Variants in TMEM135 observed in about 807,000 individuals in gnomAD.
TMEM135 encodes peroxisomal membrane protein 52.
A neutral mutation model predicts 60.3 loss-of-function variants in TMEM135; 30 were observed. That is an observed-to-expected ratio of 0.50 (90% CI 0.37 to 0.68). The LOEUF is 0.68. Among genes scored for constraint, TMEM135 ranks in the 30% least tolerant of loss-of-function variants. The pLI, the probability that TMEM135 is intolerant of heterozygous loss-of-function variation, is 0.00. For synonymous variants in TMEM135, 190 were observed against 186.7 expected, an observed-to-expected ratio of 1.02 and a Z score of -0.14; for missense variants, 468 against 548.8, an observed-to-expected ratio of 0.85 and a Z score of 1.47.
chr11:87,166,719 A>G (rs1269033936), intron 5 of TMEM135, among the ~76,000 whole-genome samples: 2 of 150,852 alleles, frequency 1.3e-5, no homozygotes, highest in Admixed American at 1.3e-4. Context: ...CTTGTAGTAT[A>G]GTTTGAAGTA....
chr11:87,053,270 G>A (rs4943971), intron 1 of TMEM135, among the ~76,000 whole-genome samples: 48,470 of 146,514 alleles, frequency 0.33, 9,534 homozygotes, highest in East Asian at 0.6. Context: ...AAAAAAATTC[G>A]TGCCTCAATT....
rs1320931238 is a variant in TMEM135, at chr11:87,324,485, A to G, written c.*3152A>G. ...TGCCCGGGTTGGAGTACAGTGGTGC[A>G]ATCATAGCTCATTGAAACCTCAAAT... On this transcript the variant is annotated 3_prime_UTR_variant, in exon 15 of 15. Coordinates refer to ENST00000305494, the MANE Select transcript of TMEM135 (RefSeq NM_022918.4). The G allele has an allele frequency of 2.2e-6, 1 of 453,676 alleles. No homozygotes were observed. Among genetic ancestry groups the G allele is most frequent in the East Asian group, 7.0e-5 (1 of 14,384 alleles). The allele number at this position is 453,676 out of a possible 1,614,324, so 28.1% of individuals were successfully genotyped here.
At chr11:87,206,015 T>C (rs142848157) in intron 5 of TMEM135, among the ~76,000 whole-genome samples, 1 of 152,234 alleles carries the variant, frequency 6.6e-6, no homozygotes, top group Non-Finnish European at 1.5e-5. Context: ...GTTTTTCTTA[T>C]ATCTGTAGGT....
At chr11:87,235,102 T>C (rs1940967992) in intron 5 of TMEM135, among the ~76,000 whole-genome samples, 1 of 151,988 alleles carries the variant, frequency 6.6e-6, no homozygotes, top group South Asian at 2.1e-4. Flanking sequence ...CTGGGTTTTG[T>C]TAGGCAAATT....
At chr11:87,148,568 T>C (rs1938474547) in intron 4 of TMEM135, among the ~76,000 whole-genome samples, 1 of 152,154 alleles carries the variant, frequency 6.6e-6, no homozygotes, top group South Asian at 2.1e-4. Context: ...TTATTGCATA[T>C]TTTATTTTAA....
chr11:87,152,541 C>T lies in TMEM135; in HGVS notation c.397-4800C>T, dbSNP rs560762957. 7.9e-5 allele frequency among the ~76,000 whole-genome samples: 12 copies of T among 152,290 alleles called. No homozygotes were observed. In the South Asian group the frequency reaches 8.3e-4, roughly 11 times the overall value. ...TGCAACCTCCACCTCCTGGTTCAAG[C>T]GATTCTCCAGCCTCAGCCTTCCAAG... On this transcript the variant is annotated intron_variant, in intron 4 of 14. Coordinates refer to ENST00000305494, the MANE Select transcript of TMEM135 (RefSeq NM_022918.4).
chr11:87,096,251 C>T (rs1857326852), intron 4 of TMEM135: 2 of 281,036 alleles, frequency 7.1e-6, no homozygotes, highest in Non-Finnish European at 1.4e-5. Context: ...AGCTTTAGAT[C>T]CTTCAAAACT....
chr11:87,167,270 C>G (rs192791469), intron 5 of TMEM135, among the ~76,000 whole-genome samples: 4 of 152,278 alleles, frequency 2.6e-5, no homozygotes, highest in Admixed American at 1.3e-4. Context: ...ATTTGACTTC[C>G]TCTCTTCCTA....
At position 87,303,572 on chromosome 11, in the gene TMEM135, A is replaced by G. The variant is rs115487908; in HGVS notation, c.698+1130A>G. On this transcript the variant is annotated intron_variant, in intron 8 of 14. Transcript: ENST00000305494. ...CTGTTAACTGGGGTTAATAATCTCT[A>G]TTAAGAATTGCTGTGAGCATTAAAT... Among the ~76,000 whole-genome samples the G allele has an allele frequency of 6.4e-3, 981 of 152,356 alleles. 16 individuals carry two copies. The highest frequency in any genetic ancestry group is 0.022 in the African/African-American group (911 of 41,576).
At chr11:87,244,852 C>G (rs1259196239) in intron 6 of TMEM135, among the ~76,000 whole-genome samples, 2 of 149,858 alleles carry the variant, frequency 1.3e-5, no homozygotes, top group Non-Finnish European at 3.0e-5. Flanking sequence ...CTGTTTCCTT[C>G]AGTTCTGCTC....
chr11:87,237,058 TA>T, intron 6 of TMEM135, among the ~76,000 whole-genome samples: 1 of 152,026 alleles, frequency 6.6e-6, no homozygotes, highest in African/African-American at 2.4e-5. Context: ...TACATTTGGA[TA>T]AGAAAAAATG....
chr11:87,298,142 T>C (rs992452597), intron 7 of TMEM135, among the ~76,000 whole-genome samples: 6 of 152,218 alleles, frequency 3.9e-5, no homozygotes, highest in African/African-American at 1.4e-4. Context: ...ACGTATGCTG[T>C]AAATTTATAG....
chr11:87,192,573 G>A (rs1243312453), intron 5 of TMEM135, among the ~76,000 whole-genome samples: 1 of 152,114 alleles, frequency 6.6e-6, no homozygotes, highest in East Asian at 1.9e-4. Flanking sequence ...GAATGTAAGA[G>A]TTTTCAAAAA....
At chr11:87,249,652 C>A (rs765852684) in intron 6 of TMEM135, among the ~76,000 whole-genome samples, 17 of 152,068 alleles carry the variant, frequency 1.1e-4, no homozygotes, top group Admixed American at 6.6e-5. Context: ...ATCCTTGTAT[C>A]CCTGGGATAA....
intron 4 of TMEM135, among the ~76,000 whole-genome samples, chr11:87,122,437 A>ATATTTATTTATTTATTTATT (rs1555106784): frequency 1.3e-3 from 186 of 144,942 alleles, no homozygotes; most frequent in African/African-American, 4.2e-3. Context: ...TTTAGTTTTT[A>ATATTTATTTATTTATTTATT]TATTTATTTA....
intron 4 of TMEM135, among the ~76,000 whole-genome samples, chr11:87,136,307 A>G (rs1938097623): frequency 6.6e-6 from 1 of 152,046 alleles, no homozygotes; most frequent in African/African-American, 2.4e-5. Context: ...TTAGCTTAAT[A>G]TAGTGAATTA....
In TMEM135 at chr11:87,322,973, G is replaced by A. The variant is rs1445425675; in HGVS notation, c.*1640G>A. 5 of 454,192 alleles carry A rather than the reference G, an allele frequency of 1.1e-5. No homozygotes were observed. Among genetic ancestry groups the A allele is most frequent in the Admixed American group, 2.4e-5 (1 of 42,530 alleles). The allele number at this position is 454,192 out of a possible 1,614,324, so 28.1% of individuals were successfully genotyped here. A position where few individuals can be genotyped will look rare whatever the true frequency, so the allele number is the denominator to read the frequency against. ...ACTTTTTATTCACTGGAATCAAAAC[G>A]ATGGTTGGTACTGTGTTTACTGTTT... On this transcript the variant is annotated 3_prime_UTR_variant, in exon 15 of 15. Transcript: ENST00000305494.
At chr11:87,242,384 G>T (rs1209457861) in intron 6 of TMEM135, among the ~76,000 whole-genome samples, 2 of 145,246 alleles carry the variant, frequency 1.4e-5, no homozygotes, top group African/African-American at 5.2e-5. Context: ...GGATGGCTGG[G>T]TCAAATGGTA....
At chr11:87,247,246 G>T (rs550525110) in intron 6 of TMEM135, among the ~76,000 whole-genome samples, 1 of 152,292 alleles carries the variant, frequency 6.6e-6, no homozygotes, top group East Asian at 1.9e-4. Context: ...GCCGTGTGAG[G>T]TGTCGGTCTG....
Sources: gnomAD v4.1 joint callset for allele counts (sites outside exome capture counted in the v4.1 genomes callset) on GRCh38, gnomAD v4.1.1 for gene constraint, MANE v1.5 for transcripts, NCBI Gene and HGNC (gene_info 2026-07-23, HGNC 2026-07-21) for gene names.